The following ECHDC1 variants were observed in gnomAD, a reference collection of about 807,000 sequenced individuals.
ECHDC1 encodes ethylmalonyl-CoA decarboxylase 1.
A neutral mutation model predicts 29.7 loss-of-function variants in ECHDC1; 29 were observed. The ratio of observed to expected loss-of-function variants is 0.98; its 90% CI spans 0.73 to 1.33. ECHDC1 has a LOEUF of 1.33. Ranked by LOEUF, ECHDC1 falls within the 40% of genes most tolerant of loss-of-function variation. The pLI, the probability that ECHDC1 is intolerant of heterozygous loss-of-function variation, is 0.00. For synonymous variants in ECHDC1, 126 were observed against 123.1 expected, an observed-to-expected ratio of 1.02 and a Z score of -0.15; for missense variants, 328 against 350.0, an observed-to-expected ratio of 0.94 and a Z score of 0.50.
intron 5 of ECHDC1, among the ~76,000 whole-genome samples, chr6:127,311,472 C>T (rs917878290): frequency 2.0e-5 from 3 of 151,324 alleles, no homozygotes; most frequent in Non-Finnish European, 2.9e-5. Context: ...GTCAGGAGTT[C>T]GAGACCAACC....
intron 5 of ECHDC1, among the ~76,000 whole-genome samples, chr6:127,298,441 G>A (rs992845445): frequency 1.3e-5 from 2 of 152,018 alleles, no homozygotes; most frequent in Non-Finnish European, 1.5e-5. Flanking sequence ...AGAATAACTG[G>A]AATTAGAAAG....
intron 5 of ECHDC1, among the ~76,000 whole-genome samples, chr6:127,309,480 AACACACACACACACACACACAC>A (rs58621326): frequency 0.046 from 6,381 of 138,386 alleles, 221 homozygotes; most frequent in Non-Finnish European, 0.058. Context: ...CAAACAACAA[AACACACACACACACACACACAC>A]ACACACACAC....
chr6:127,297,636 T>C (rs549789354), intron 5 of ECHDC1, among the ~76,000 whole-genome samples: 3 of 152,298 alleles, frequency 2.0e-5, no homozygotes, highest in East Asian at 1.9e-4. Context: ...TTCAGGCATA[T>C]ACATGGTAGG....
Position 127,289,625 on chromosome 6 carries a change from G to A in ECHDC1, c.*244C>T. 1 of 405,004 alleles carries A rather than the reference G, an allele frequency of 2.5e-6. No individual in the cohort carries two copies. The highest frequency in any genetic ancestry group is 4.4e-6 in the Non-Finnish European group (1 of 228,536). The allele number at this position is 405,004 out of a possible 1,614,324, so 25.1% of individuals were successfully genotyped here. ...CTAAGAATTATTATTGGAATTGACA[G>A]CAATAATTTTTAAGCCAAAAGTGTA... On this transcript the variant is annotated 3_prime_UTR_variant, in exon 6 of 6. Coordinates refer to ENST00000454859, the MANE Select transcript of ECHDC1 (RefSeq NM_001002030.2).
chr6:127,315,627 T>C (rs1782299716), intron 4 of ECHDC1: 1 of 267,578 alleles, frequency 3.7e-6, no homozygotes, highest in East Asian at 1.0e-4. Flanking sequence ...TGCTCCCATG[T>C]AGAAAGGATT....
Position 127,305,268 on chromosome 6 carries a change from C to T in ECHDC1, c.497+9548G>A, listed in dbSNP as rs574697650. 1.4e-4 allele frequency among the ~76,000 whole-genome samples: 22 copies of T among 152,176 alleles called. No homozygotes were observed. The East Asian group carries it at 1.7e-3, about 12-fold the overall frequency. On this transcript the variant is annotated intron_variant, in intron 5 of 5. Transcript: ENST00000454859. ...CCTTACAGGCCAGGAGAGAATGGTACGACATACTGCAAGTGCTGAGGGAAA... is the reference window on the plus strand; with the variant it reads ...CCTTACAGGCCAGGAGAGAATGGTATGACATACTGCAAGTGCTGAGGGAAA...
chr6:127,297,795 A>T (rs189226588), intron 5 of ECHDC1, among the ~76,000 whole-genome samples: 5 of 152,324 alleles, frequency 3.3e-5, no homozygotes, highest in Admixed American at 1.3e-4. Flanking sequence ...TACAGAGATG[A>T]GGGGAGTTTC....
At chr6:127,310,132 T>C (rs1781782021) in intron 5 of ECHDC1, among the ~76,000 whole-genome samples, 2 of 152,014 alleles carry the variant, frequency 1.3e-5, no homozygotes, top group Non-Finnish European at 1.5e-5. Context: ...AGTTAATGGG[T>C]ACAAAAAAAT....
intron 1 of ECHDC1, among the ~76,000 whole-genome samples, chr6:127,334,668 C>T: frequency 6.6e-6 from 1 of 151,980 alleles, no homozygotes; most frequent in East Asian, 1.9e-4. Flanking sequence ...ACCAGAGTCC[C>T]ACAAATTTAC....
chr6:127,342,351 C>G (rs1385862566), intron 1 of ECHDC1: 5 of 1,547,142 alleles, frequency 3.2e-6, no homozygotes, highest in Non-Finnish European at 4.4e-6. Flanking sequence ...ATCCTCACAA[C>G]TCACCCTGTT....
intron 4 of ECHDC1, chr6:127,315,546 A>C (rs924561935): frequency 2.3e-5 from 5 of 213,374 alleles, no homozygotes; most frequent in Non-Finnish European, 3.8e-5. Context: ...TCCAAGATGG[A>C]ATTTTTGTAG....
At chr6:127,303,090 T>C (rs966218730) in intron 5 of ECHDC1, among the ~76,000 whole-genome samples, 2 of 152,152 alleles carry the variant, frequency 1.3e-5, no homozygotes, top group Admixed American at 6.6e-5. Flanking sequence ...TGAAGTGACA[T>C]ATTTTAACTG....
chr6:127,342,331 C>T (rs1291846305), intron 1 of ECHDC1: 5 of 1,540,168 alleles, frequency 3.2e-6, no homozygotes, highest in African/African-American at 1.4e-5. Context: ...CTCCAACTAC[C>T]CTGTTTATAA....
intron 3 of ECHDC1, among the ~76,000 whole-genome samples, chr6:127,317,720 G>A (rs1409420596): frequency 6.6e-6 from 1 of 152,100 alleles, no homozygotes; most frequent in African/African-American, 2.4e-5. Flanking sequence ...TGACTTTCCC[G>A]TTTCACAATT....
In ECHDC1 at chr6:127,339,975, C is replaced by T. The variant is rs540242835; in HGVS notation, c.-3+3361G>A. Among the ~76,000 whole-genome samples, 53 of 152,238 alleles carry T rather than the reference C, an allele frequency of 3.5e-4. 1 individual carries two copies. The South Asian group carries it at 0.01, about 29-fold the overall frequency. On this transcript the variant is annotated intron_variant, in intron 1 of 5. Coordinates refer to ENST00000454859, the MANE Select transcript of ECHDC1 (RefSeq NM_001002030.2). ...ATCACTCCTAGCTGAGGAATCTCTGCTCCTCTTCAGAAAGGGAAGGCAAGA... is the reference window on the plus strand; with the variant it reads ...ATCACTCCTAGCTGAGGAATCTCTGTTCCTCTTCAGAAAGGGAAGGCAAGA...
At chr6:127,319,970 G>T (rs983574750) in intron 3 of ECHDC1, among the ~76,000 whole-genome samples, 1 of 152,194 alleles carries the variant, frequency 6.6e-6, no homozygotes, top group Non-Finnish European at 1.5e-5. Flanking sequence ...AGTGCTTGTT[G>T]TATGGATTTA....
At position 127,328,735 on chromosome 6, in the gene ECHDC1, C is replaced by T. The variant is rs116853427; in HGVS notation, c.221-1591G>A. ...TTAATCACTCATAATATTTAAGGTT[C>T]TAAAAAACAGGCCGGGTGCAGTGGC... On this transcript the variant is annotated intron_variant, in intron 2 of 5. Coordinates refer to ENST00000454859, the MANE Select transcript of ECHDC1 (RefSeq NM_001002030.2). Among the ~76,000 whole-genome samples, 357 of 152,234 alleles carry T rather than the reference C, an allele frequency of 2.3e-3. 8 individuals carry two copies. The East Asian group carries it at 0.062, about 26-fold the overall frequency.
intron 5 of ECHDC1, among the ~76,000 whole-genome samples, chr6:127,311,699 G>GAAAA (rs1294047364): frequency 9.9e-5 from 6 of 60,610 alleles, no homozygotes; most frequent in Admixed American, 2.1e-4. Flanking sequence ...AAAAAAAAAA[G>GAAAA]AAAAGAAAAA....
intron 5 of ECHDC1, among the ~76,000 whole-genome samples, chr6:127,307,725 A>G (rs1004959411): frequency 6.1e-5 from 9 of 148,086 alleles, no homozygotes; most frequent in African/African-American, 2.2e-4. Flanking sequence ...GAAAAGTTAA[A>G]CAAAATTGAA....
Sources: gnomAD v4.1 joint callset for allele counts (sites outside exome capture counted in the v4.1 genomes callset) on GRCh38, gnomAD v4.1.1 for gene constraint, MANE v1.5 for transcripts, NCBI Gene and HGNC (gene_info 2026-07-23, HGNC 2026-07-21) for gene names.